The following TMX2 variants were observed in gnomAD, a reference collection of about 807,000 sequenced individuals.
TMX2 encodes the protein thioredoxin-related transmembrane protein 2.
TMX2 carries 20 observed loss-of-function variants against 33.4 expected under a neutral mutation model. That is an observed-to-expected ratio of 0.60 (90% confidence interval 0.42 to 0.87). The LOEUF (loss-of-function observed/expected upper bound fraction) is 0.87. Ranked by LOEUF, TMX2 falls within the 40% of genes least tolerant of loss-of-function variation. TMX2 has a pLI of 0.00. For synonymous variants in TMX2, 166 were observed against 140.7 expected (o/e 1.18, Z -1.27); for missense variants, 340 against 370.7 (o/e 0.92, Z 0.68).
chr11:57,739,359 T>G, intron 7 of TMX2, 99 bp downstream of exon 7: 1 of 1,319,618 alleles, frequency 7.6e-7, no homozygotes, highest in South Asian at 1.2e-5. Flanking sequence ...ACTTGCCCAT[T>G]AGCTTTGAGG....
At chr11:57,731,332 C>T (rs996641940) in intron 1 of TMX2, among the ~76,000 whole-genome samples, 4 of 151,108 alleles carry the variant, frequency 2.6e-5, no homozygotes, top group Non-Finnish European at 5.9e-5. Context: ...CGGAGTTTTG[C>T]CATGTTGGCC....
intron 1 of TMX2, among the ~76,000 whole-genome samples, chr11:57,722,032 C>T (rs1318704324): frequency 6.6e-6 from 1 of 152,056 alleles, no homozygotes; most frequent in Non-Finnish European, 1.5e-5. Context: ...GTCTTGTTCT[C>T]TTACCCACGC....
At chr11:57,737,694 C>G (rs1184289091) in intron 2 of TMX2, 26 bp downstream of exon 2, 3 of 1,609,052 alleles carry the variant, frequency 1.9e-6, no homozygotes, top group Admixed American at 1.7e-5. Flanking sequence ...TTCTCAGACT[C>G]AAGGTTAGAT....
intron 4 of TMX2, 113 bp downstream of exon 4, chr11:57,738,543 T>C (rs2135653186): frequency 8.2e-7 from 1 of 1,217,944 alleles, no homozygotes; most frequent in East Asian, 2.3e-5. Flanking sequence ...TCACGGGCAC[T>C]GTGGTTCATT....
At chr11:57,718,065 G>A (rs1180988391) in intron 1 of TMX2, 2 of 1,238,050 alleles carry the variant, frequency 1.6e-6, no homozygotes, top group Non-Finnish European at 2.4e-6. Flanking sequence ...GTCAGCAATG[G>A]TGATCTTCTT....
At chr11:57,713,176 C>T (rs1209865416) in intron 1 of TMX2, among the ~76,000 whole-genome samples, 1 of 152,170 alleles carries the variant, frequency 6.6e-6, no homozygotes, top group African/African-American at 2.4e-5. Flanking sequence ...GTAAGGTAGA[C>T]AAGGCAAGTA....
chr11:57,738,195 TAC>T, intron 3 of TMX2, 157 bp from the exon 4 acceptor site: 1 of 741,842 alleles, frequency 1.3e-6, no homozygotes, highest in Non-Finnish European at 2.3e-6. Context: ...GATAACAGTT[TAC>T]AGAGACTGTT....
chr11:57,730,703 A>G (rs1948320731), intron 1 of TMX2, among the ~76,000 whole-genome samples: 1 of 152,182 alleles, frequency 6.6e-6, no homozygotes, highest in Non-Finnish European at 1.5e-5. Context: ...GTACCATTGC[A>G]CTCCAGCCTG....
At chr11:57,735,819 G>T (rs533350345) in intron 1 of TMX2, among the ~76,000 whole-genome samples, 2 of 152,198 alleles carry the variant, frequency 1.3e-5, no homozygotes, top group Admixed American at 6.5e-5. Flanking sequence ...AAGTCAAAAG[G>T]TGAAGCAGAG....
intron 1 of TMX2, among the ~76,000 whole-genome samples, chr11:57,724,975 G>T (rs1392490856): frequency 1.3e-5 from 2 of 150,830 alleles, no homozygotes; most frequent in East Asian, 2.0e-4. Context: ...GGTGGCAGAG[G>T]TTGCAGTGAG....
chr11:57,725,328 C>T (rs1218739267), intron 1 of TMX2, among the ~76,000 whole-genome samples: 3 of 152,142 alleles, frequency 2.0e-5, no homozygotes, highest in African/African-American at 7.2e-5. Flanking sequence ...CATTTGGTAT[C>T]CCACTGACCC....
chr11:57,739,921 G>A (rs780406918), intron 7 of TMX2, among the ~76,000 whole-genome samples, 178 bp from the exon 8 acceptor site: 1 of 152,112 alleles, frequency 6.6e-6, no homozygotes, highest in South Asian at 2.1e-4. Context: ...GGCACATAAT[G>A]GGTATTTAAC....
intron 1 of TMX2, among the ~76,000 whole-genome samples, chr11:57,727,201 A>G (rs1948061990): frequency 6.6e-6 from 1 of 152,140 alleles, no homozygotes; most frequent in Non-Finnish European, 1.5e-5. Flanking sequence ...TTCACCCCTT[A>G]AACAATTGGC....
intron 1 of TMX2, among the ~76,000 whole-genome samples, chr11:57,730,999 C>T (rs1468710090): frequency 7.0e-6 from 1 of 142,310 alleles, no homozygotes; most frequent in African/African-American, 2.6e-5. Flanking sequence ...TTAGTTAAAA[C>T]AAGATTTTAT....
intron 1 of TMX2, among the ~76,000 whole-genome samples, chr11:57,736,905 CAT>C (rs113805023): frequency 0.018 from 2,637 of 150,164 alleles, 36 homozygotes; most frequent in African/African-American, 0.048. Flanking sequence ...AAAAATTAAA[CAT>C]GTGGAATAGC....
At chr11:57,739,301 AGTAG>A in intron 7 of TMX2, 41 bp downstream of exon 7, 1 of 1,610,554 alleles carries the variant, frequency 6.2e-7, no homozygotes, top group Non-Finnish European at 8.5e-7. Context: ...GGTGCAGAAC[AGTAG>A]GTGGGCTTTC....
chr11:57,737,967 C>T lies in TMX2; in HGVS notation c.305C>T (p.Thr102Ile). The T allele has an allele frequency of 6.2e-7, 1 of 1,614,008 alleles. No individual in the cohort carries two copies. Among genetic ancestry groups the T allele is most frequent in the Non-Finnish European group, 8.5e-7 (1 of 1,179,968 alleles). ...NIFMFSKVAN[T>I]ILFFRLDIRM... is the part of the protein sequence containing the mutation. ...TTCATGTTTAGTAAAGTGGCCAACA[C>T]AATTCTTTTCTTCCGCTTGGATATT... is the stretch of plus-strand genomic sequence containing the variant. Residue 102 changes from threonine (T) to isoleucine (I), a missense_variant, in exon 3 of 8, where the codon ACA becomes ATA. This residue lies in a region of TMX2 where 209 missense variants were observed against 241.6 expected (regional missense o/e 0.87). Transcript: ENST00000278422.
intron 1 of TMX2, among the ~76,000 whole-genome samples, chr11:57,716,626 A>C (rs1217657007): frequency 6.6e-5 from 6 of 91,518 alleles, no homozygotes; most frequent in Admixed American, 1.2e-4. Flanking sequence ...TGACCCCCCC[A>C]CCTCCCTCCC....
intron 1 of TMX2, among the ~76,000 whole-genome samples, chr11:57,719,653 A>G (rs1456797140): frequency 6.7e-6 from 1 of 148,396 alleles, no homozygotes; most frequent in African/African-American, 2.5e-5. Context: ...AGTAGCTGGG[A>G]TTATAGGTGC....
Sources: gnomAD v4.1 joint callset for allele counts (sites outside exome capture counted in the v4.1 genomes callset) on GRCh38, gnomAD v4.1.1 for gene constraint, gnomAD v4.1.1 regional missense constraint, MANE v1.5 for transcripts, NCBI Gene and HGNC (gene_info 2026-07-23, HGNC 2026-07-21) for gene names.